PRKN: variants seen among roughly 807,000 people sequenced by gnomAD.
PRKN encodes E3 ubiquitin-protein ligase parkin.
In PRKN, 56 loss-of-function variants were observed where a neutral mutation model predicts 59.5. The observed-to-expected ratio is 0.94, with a 90% CI of 0.76 to 1.18. PRKN has a LOEUF of 1.18. Ranked by LOEUF, PRKN falls within the 50% of genes most tolerant of loss-of-function variation. PRKN has a pLI of 0.00. For missense variants in PRKN, 657 were observed against 596.4 expected (o/e 1.10, Z -1.06); for synonymous variants, 250 against 222.1 (o/e 1.13, Z -1.12).
chr6:162,188,211 C>T (rs961774547), intron 4 of PRKN, among the ~76,000 whole-genome samples: 17 of 152,140 alleles, frequency 1.1e-4, no homozygotes, highest in African/African-American at 4.1e-4. Context: ...TTGTAAATTG[C>T]TCAGTCTCGG....
At chr6:162,454,607 G>A (rs1790776573) in intron 1 of PRKN, among the ~76,000 whole-genome samples, 1 of 152,214 alleles carries the variant, frequency 6.6e-6, no homozygotes, top group African/African-American at 2.4e-5. Context: ...TTTCACACTG[G>A]ACTGTATGTT....
intron 6 of PRKN, among the ~76,000 whole-genome samples, chr6:161,873,286 G>A (rs1456869928): frequency 6.6e-6 from 1 of 151,754 alleles, no homozygotes; most frequent in Non-Finnish European, 1.5e-5. Context: ...TCCTACCCCA[G>A]ACACTCATTC....
At chr6:162,185,445 A>G (rs6915212) in intron 4 of PRKN, among the ~76,000 whole-genome samples, 49,634 of 152,010 alleles carry the variant, frequency 0.33, 8,419 homozygotes, top group South Asian at 0.47. Context: ...TAAAGTAATC[A>G]AAGTCATTAT....
intron 1 of PRKN, among the ~76,000 whole-genome samples, chr6:162,472,085 A>G (rs1256339702): frequency 6.6e-6 from 1 of 152,200 alleles, no homozygotes; most frequent in African/African-American, 2.4e-5. Context: ...TGGAATGACT[A>G]CATAATAACA....
intron 1 of PRKN, among the ~76,000 whole-genome samples, chr6:162,479,509 T>C (rs976077893): frequency 6.6e-6 from 1 of 152,134 alleles, no homozygotes. Context: ...GATAACAGGC[T>C]TGAGCCACCA....
chr6:161,929,585 A>G (rs565785390), intron 6 of PRKN, among the ~76,000 whole-genome samples: 173 of 129,520 alleles, frequency 1.3e-3, no homozygotes, highest in Middle Eastern at 6.3e-3. Context: ...GTGCAGTGGC[A>G]TGATCTCAGC....
intron 1 of PRKN, among the ~76,000 whole-genome samples, chr6:162,502,902 CTG>C (rs1411336853): frequency 2.6e-5 from 4 of 151,986 alleles, no homozygotes; most frequent in South Asian, 4.1e-4. Context: ...GAACAATATT[CTG>C]TGTTACATAA....
chr6:162,585,871 T>A (rs1334518661), intron 1 of PRKN, among the ~76,000 whole-genome samples: 2 of 152,096 alleles, frequency 1.3e-5, no homozygotes, highest in African/African-American at 4.8e-5. Context: ...CCGGCTAATT[T>A]TTTTTGTGTT....
At chr6:162,680,702 T>C (rs1779739134) in intron 1 of PRKN, among the ~76,000 whole-genome samples, 2 of 152,044 alleles carry the variant, frequency 1.3e-5, no homozygotes, top group African/African-American at 4.8e-5. Context: ...AGCTCACTAT[T>C]TAGGTAATAA....
At chr6:162,179,417 T>G (rs1368791584) in intron 4 of PRKN, among the ~76,000 whole-genome samples, 10 of 152,170 alleles carry the variant, frequency 6.6e-5, no homozygotes, top group Admixed American at 6.5e-4. Context: ...AACCTGCAGT[T>G]TGCACCATGG....
Position 161,499,510 on chromosome 6 carries a change from G to A in PRKN, c.1083+49344C>T, listed in dbSNP as rs1365660918. Among the ~76,000 whole-genome samples, 2 of 152,142 alleles carry A rather than the reference G, an allele frequency of 1.3e-5. No individual in the cohort carries two copies. Among genetic ancestry groups the A allele is most frequent in the African/African-American group, 4.8e-5 (2 of 41,426 alleles). ...CACCTGTTGCTTCTTATTGGCTTTGGAATGTGGGACCTCTCTTCTAGCCTC... is the reference window on the plus strand; with the variant it reads ...CACCTGTTGCTTCTTATTGGCTTTGAAATGTGGGACCTCTCTTCTAGCCTC... On this transcript the variant is annotated intron_variant, in intron 9 of 11. Coordinates refer to ENST00000366898, the MANE Select transcript of PRKN (RefSeq NM_004562.3). The surrounding 1 kb of genome is among the most constrained non-coding windows in gnomAD (Gnocchi z 4.2).
At chr6:162,478,585 C>G (rs1792139714) in intron 1 of PRKN, among the ~76,000 whole-genome samples, 1 of 152,078 alleles carries the variant, frequency 6.6e-6, no homozygotes, top group Non-Finnish European at 1.5e-5. Context: ...ACCGTGAAAC[C>G]AAGAGATAAG....
chr6:161,858,830 C>T (rs66535930), intron 6 of PRKN, among the ~76,000 whole-genome samples: 31,680 of 141,440 alleles, frequency 0.22, 4,354 homozygotes, highest in South Asian at 0.31. Flanking sequence ...CTCAGGGTGC[C>T]GCCTTTCAAT....
intron 6 of PRKN, among the ~76,000 whole-genome samples, chr6:161,804,907 T>C (rs1238003829): frequency 6.6e-6 from 1 of 152,352 alleles, no homozygotes; most frequent in South Asian, 2.1e-4. Context: ...ATAGGTCTTC[T>C]TGAATTTCTA....
At chr6:161,542,660 T>G (rs1474910427) in intron 9 of PRKN, among the ~76,000 whole-genome samples, 1 of 152,214 alleles carries the variant, frequency 6.6e-6, no homozygotes, top group African/African-American at 2.4e-5. Flanking sequence ...ACCAACTTTC[T>G]TTTTTAAAAT....
At chr6:162,315,124 T>C (rs1378751059) in intron 2 of PRKN, among the ~76,000 whole-genome samples, 2 of 152,196 alleles carry the variant, frequency 1.3e-5, no homozygotes. Context: ...CTTCCTTATA[T>C]GCCTCTCCTT....
At chr6:161,874,544 GTAAAATATATATTATATA>G (rs1490450405) in intron 6 of PRKN, among the ~76,000 whole-genome samples, 10 of 89,910 alleles carry the variant, frequency 1.1e-4, no homozygotes, top group Non-Finnish European at 1.7e-4. Context: ...TATATATTAT[GTAAAATATATATTATATA>G]TAAAATATAT....
chr6:161,518,639 T>C lies in PRKN; in HGVS notation c.1083+30215A>G, dbSNP rs148285607. 7.4e-4 allele frequency among the ~76,000 whole-genome samples: 113 copies of C among 152,290 alleles called. 2 individuals carry two copies. The East Asian group carries it at 0.02, about 27-fold the overall frequency. The stretch of plus-strand genomic sequence containing the variant: ...TCCCCCTAGCAGCACAAGCCCAGCC[T>C]CCGCTCACCCAGCCCCCTAGTGAGG... On this transcript the variant is annotated intron_variant, in intron 9 of 11. Transcript: ENST00000366898. This position sits in a 1 kb window ranked among gnomAD's most constrained non-coding sequence, Gnocchi z 5.0.
intron 1 of PRKN, among the ~76,000 whole-genome samples, chr6:162,678,551 G>A (rs1376696714): frequency 6.6e-6 from 1 of 152,142 alleles, no homozygotes; most frequent in Non-Finnish European, 1.5e-5. Flanking sequence ...GACTAATAAT[G>A]TTGGGGGTAT....
Sources: gnomAD v4.1 joint callset for allele counts (sites outside exome capture counted in the v4.1 genomes callset) on GRCh38, gnomAD v4.1.1 for gene constraint, Gnocchi (gnomAD v3.1) non-coding constraint, MANE v1.5 for transcripts, NCBI Gene and HGNC (gene_info 2026-07-23, HGNC 2026-07-21) for gene names.